Variants in PSG7 observed in about 807,000 individuals in gnomAD.
PSG7 encodes pregnancy-specific beta-1-glycoprotein 7.
A neutral mutation model predicts 45.6 loss-of-function variants in PSG7; 57 were observed. That is an observed-to-expected ratio of 1.25 (90% CI 1.01 to 1.56). PSG7 has a LOEUF of 1.56. Among genes scored for constraint, PSG7 ranks in the 40% most tolerant of loss-of-function variants. The pLI is 0.00. For synonymous variants in PSG7, 298 were observed against 194.4 expected (o/e 1.53, Z -4.43); for missense variants, 796 against 508.4 (o/e 1.57, Z -5.44).
Position 42,924,175 on chromosome 19 carries a change from A to C in PSG7, c.*633T>G, listed in dbSNP as rs867554423. On this transcript the variant is annotated 3_prime_UTR_variant, in exon 6 of 6. Coordinates refer to ENST00000406070, the MANE Select transcript of PSG7 (RefSeq NM_002783.3). ...GTTTTATTCTGCTAGAATCAGTCTT[A>C]CTGTCACGTTTTACAATGTATCTCT... is the stretch of plus-strand genomic sequence containing the variant. The C allele has an allele frequency of 5.8e-6, 1 of 172,650 alleles. No individual in the cohort carries two copies. The highest frequency in any genetic ancestry group is 1.9e-4 in the South Asian group (1 of 5,210). The allele number at this position is 172,650 out of a possible 1,614,324, so 10.7% of individuals were successfully genotyped here. A position where few individuals can be genotyped will look rare whatever the true frequency, so the allele number is the denominator to read the frequency against.
In PSG7 at chr19:42,926,598, A is replaced by G; in HGVS notation, c.828T>C (p.Asn276=). The change falls in exon 4 of 6, where the codon AAT becomes AAC. Residue 276 remains asparagine (N), a synonymous_variant. Coordinates refer to ENST00000406070, the MANE Select transcript of PSG7 (RefSeq NM_002783.3). ...TGGGACTGACCGGGAGGCTCTGACCATTTAGCCACCAAATGTAGGTGTAGT... is the reference window on the plus strand; with the variant it reads ...TGGGACTGACCGGGAGGCTCTGACCGTTTAGCCACCAAATGTAGGTGTAGT... The part of the protein sequence containing the change: ...SENYTYIWWL[N]GQSLPVSPRV... 3 of 1,610,264 alleles carry G rather than the reference A, an allele frequency of 1.9e-6. No individual in the cohort carries two copies. The highest frequency in any genetic ancestry group is 2.5e-6 in the Non-Finnish European group (3 of 1,179,028).
At chr19:42,936,187 T>C (rs866554714) in intron 1 of PSG7, 3 of 187,018 alleles carry the variant, frequency 1.6e-5, no homozygotes, top group East Asian at 1.3e-4. Context: ...CTCTGCTCCC[T>C]CCAGGGTTCT....
At chr19:42,928,751 G>A (rs747971480) in intron 3 of PSG7, among the ~76,000 whole-genome samples, 13 of 151,280 alleles carry the variant, frequency 8.6e-5, no homozygotes, top group Non-Finnish European at 1.6e-4. Flanking sequence ...AGACTTCCCT[G>A]GAAAACATAT....
intron 1 of PSG7, 32 bp downstream of exon 1, chr19:42,936,981 T>C (rs747704688): frequency 1.2e-6 from 2 of 1,608,146 alleles, no homozygotes; most frequent in African/African-American, 2.7e-5. Flanking sequence ...TGCTTCCTTT[T>C]CCTGTCCTCT....
chr19:42,933,300 TATATA>T (rs1378420359), intron 2 of PSG7, among the ~76,000 whole-genome samples: 9 of 20,422 alleles, frequency 4.4e-4, no homozygotes, highest in African/African-American at 7.3e-4. Context: ...TATATATATA[TATATA>T]TATTTTTTTT....
chr19:42,935,840 C>T, intron 1 of PSG7, 71 bp from the exon 2 acceptor site: 2 of 1,510,426 alleles, frequency 1.3e-6, no homozygotes, highest in Non-Finnish European at 1.8e-6. Flanking sequence ...GCCCCTGGGT[C>T]CTGAGAAGGT....
At chr19:42,935,253 CTGTG>C in intron 2 of PSG7, 147 bp downstream of exon 2, 1 of 1,422,866 alleles carries the variant, frequency 7.0e-7, no homozygotes, top group Non-Finnish European at 9.8e-7. Flanking sequence ...TTTGTCTCCT[CTGTG>C]TGTTTCCTGC....
intron 1 of PSG7, chr19:42,936,540 T>C (rs544422613): frequency 1.2e-5 from 2 of 166,202 alleles, no homozygotes; most frequent in African/African-American, 4.8e-5. Context: ...TTTTCCTACC[T>C]CTTACCAATT....
In PSG7 at chr19:42,929,524, G is replaced by C. The variant is rs146569565; in HGVS notation, c.627C>G (p.Asn209Lys). The change falls in exon 3 of 6, where the codon AAC becomes AAG. Residue 209 changes from asparagine (N) to lysine (K), a missense_variant. Asn to Lys is a moderately conservative substitution (Grantham distance 94). Transcript: ENST00000406070. The part of the protein sequence containing the change: ...NRTLYLFGVT[N>K]YTAGPYECEI... ...CACATTCATAGGGTCCTGCAGTATA[G>C]TTTGTGACACCAAATAGGTAGAGGG... The C allele has an allele frequency of 6.4e-3, 10,273 of 1,612,662 alleles. 328 individuals are homozygous for C. Among genetic ancestry groups the C allele is most frequent in the Middle Eastern group, 0.03 (183 of 6,060 alleles).
In PSG7 at chr19:42,929,516, G is replaced by A; in HGVS notation, c.635C>T (p.Ala212Val). The A allele has an allele frequency of 6.2e-7, 1 of 1,612,658 alleles. No homozygotes were observed. The highest frequency in any genetic ancestry group is 2.2e-5 in the East Asian group (1 of 44,796). The change falls in exon 3 of 6, where the codon GCA (alanine) becomes GTA (valine). Residue 212 changes from alanine (A) to valine (V), a missense_variant. By Grantham distance (64) the Ala-to-Val change is moderately conservative (BLOSUM62 0). Coordinates refer to ENST00000406070, the MANE Select transcript of PSG7 (RefSeq NM_002783.3). ...CCGTATTTCACATTCATAGGGTCCTGCAGTATAGTTTGTGACACCAAATAG... is the reference window on the plus strand; with the variant it reads ...CCGTATTTCACATTCATAGGGTCCTACAGTATAGTTTGTGACACCAAATAG... ...LYLFGVTNYT[A>V]GPYECEIRNP...
chr19:42,930,371 G>T (rs939441325), intron 2 of PSG7, among the ~76,000 whole-genome samples: 1 of 151,606 alleles, frequency 6.6e-6, no homozygotes, highest in African/African-American at 2.4e-5. Context: ...ATAGAGCAGA[G>T]TCCAAGGAAT....
intron 2 of PSG7, 115 bp downstream of exon 2, chr19:42,935,289 A>T: frequency 2.0e-6 from 3 of 1,498,828 alleles, no homozygotes; most frequent in Non-Finnish European, 2.7e-6. Flanking sequence ...AAACCCCAGC[A>T]TGGGACATAA....
rs1181476595 is a variant in PSG7 at position 42,924,885 on chromosome 19, A to G, written c.1244-61T>C. ...AGAGCTGCAATCTCATAACAGGTGT[A>G]CTACGGTTTTATTTTCCACATAATT... On this transcript the variant is annotated intron_variant, in intron 5 of 5. Coordinates refer to ENST00000406070, the MANE Select transcript of PSG7 (RefSeq NM_002783.3). 1.7e-5 allele frequency: 13 copies of G among 763,598 alleles called. No homozygotes were observed. The Admixed American group carries it at 2.2e-4, about 13-fold the overall frequency. 47.3% of individuals were successfully genotyped at this position (763,598 alleles called of 1,614,324 possible). A position where few individuals can be genotyped will look rare whatever the true frequency, so the allele number is the denominator to read the frequency against.
rs782418664 is a variant in PSG7 at position 42,935,659 on chromosome 19, G to T, written c.175C>A (p.Pro59Thr). 1.2e-6 allele frequency: 2 copies of T among 1,612,098 alleles called. No individual in the cohort carries two copies. Among genetic ancestry groups the T allele is most frequent in the Middle Eastern group, 1.7e-4 (1 of 6,058 alleles). The change falls in exon 2 of 6, where the codon CCC (proline) becomes ACC (threonine). Residue 59 changes from proline to threonine, a missense_variant. Transcript: ENST00000406070. ...KDVLLLVHNL[P>T]QNLTGYIWYK... ...CAGATGTAGCCAGTAAGATTCTGGG[G>T]CAAATTGTGGACAAGTAGAAGAACA...
At chr19:42,926,085 G>T (rs1280613375) in intron 4 of PSG7, 58 bp from the exon 5 acceptor site, 4 of 1,590,808 alleles carry the variant, frequency 2.5e-6, no homozygotes, top group South Asian at 2.3e-5. Context: ...GGATGCTCCT[G>T]GTCTCTTAAA....
chr19:42,925,222 G>A, intron 5 of PSG7: 2 of 307,134 alleles, frequency 6.5e-6, no homozygotes, highest in South Asian at 9.4e-5. Flanking sequence ...CAAAGCCTTG[G>A]TAATATAACC....
intron 1 of PSG7, chr19:42,936,552 C>T (rs10403699): frequency 0.019 from 3,235 of 166,148 alleles, 175 homozygotes; most frequent in African/African-American, 0.073. Flanking sequence ...TTACCAATTC[C>T]GGTTCAATGT....
Position 42,929,551 on chromosome 19 carries a change from C to A in PSG7, c.600G>T (p.Arg200Ser). 4.3e-6 allele frequency: 7 copies of A among 1,612,546 alleles called. 1 individual carries two copies. The highest frequency in any genetic ancestry group is 4.2e-6 in the Non-Finnish European group (5 of 1,179,252). The change falls in exon 3 of 6, where the codon AGG (arginine) becomes AGT (serine). Residue 200 changes from arginine to serine, a missense_variant. By Grantham distance (110) the Arg-to-Ser change is moderately radical. Coordinates refer to ENST00000406070, the MANE Select transcript of PSG7 (RefSeq NM_002783.3). ...THSLQLSETN[R>S]TLYLFGVTNY... ...TTGTGACACCAAATAGGTAGAGGGT[C>A]CTGTTGGTTTCAGACAGCTGCAAGC...
chr19:42,929,514 C>G lies in PSG7; in HGVS notation c.637G>C (p.Gly213Arg). The G allele has an allele frequency of 6.2e-7, 1 of 1,612,604 alleles. No individual in the cohort carries two copies. The highest frequency in any genetic ancestry group is 8.5e-7 in the Non-Finnish European group (1 of 1,179,244). ...TTCCGTATTTCACATTCATAGGGTC[C>G]TGCAGTATAGTTTGTGACACCAAAT... ...YLFGVTNYTAGPYECEIRNPV... is the reference protein window; with the variant it reads ...YLFGVTNYTARPYECEIRNPV... Residue 213 changes from glycine to arginine, a missense_variant, in exon 3 of 6, where the codon GGA becomes CGA. Transcript: ENST00000406070.
Sources: gnomAD v4.1 joint callset for allele counts (sites outside exome capture counted in the v4.1 genomes callset) on GRCh38, gnomAD v4.1.1 for gene constraint, MANE v1.5 for transcripts, NCBI Gene and HGNC (gene_info 2026-07-23, HGNC 2026-07-21) for gene names.